The following TDRD15 variants were observed in gnomAD, a reference collection of about 807,000 sequenced individuals.
TDRD15 encodes the protein tudor domain-containing protein 15.
For missense variants in TDRD15, 1,416 were observed against 904.7 expected (o/e 1.57, Z -7.25); for synonymous variants, 503 against 314.5 (o/e 1.60, Z -6.34).
rs756560280 is a variant in TDRD15 at position 21,140,453 on chromosome 2, A to G, written c.2986A>G (p.Thr996Ala). 59 of 698,572 alleles carry G rather than the reference A, an allele frequency of 8.4e-5. No homozygotes were observed. The Middle Eastern group carries it at 9.5e-4, about 11-fold the overall frequency. The allele number at this position is 698,572 out of a possible 1,614,324, so 43.3% of individuals were successfully genotyped here. A position where few individuals can be genotyped will look rare whatever the true frequency, so the allele number is the denominator to read the frequency against. The change falls in exon 4 of 4, where the codon ACA (threonine) becomes GCA (alanine). Residue 996 changes from threonine (T) to alanine (A), a missense_variant. Coordinates refer to ENST00000405799, the MANE Select transcript of TDRD15 (RefSeq NM_001306137.2). ...RNNKDLEMIE[T>A]KITESVNLQN... ...TAATAAAGATCTAGAGATGATAGAAACAAAAATCACAGAGAGTGTTAACCT... is the reference window on the plus strand; with the variant it reads ...TAATAAAGATCTAGAGATGATAGAAGCAAAAATCACAGAGAGTGTTAACCT...
In TDRD15 at chr2:21,139,062, C is replaced by A; in HGVS notation, c.1595C>A (p.Pro532His). Residue 532 changes from proline (P) to histidine (H), a missense_variant, in exon 4 of 4, where the codon CCT (proline) becomes CAT (histidine). By Grantham distance (77) the Pro-to-His change is moderately conservative. Coordinates refer to ENST00000405799, the MANE Select transcript of TDRD15 (RefSeq NM_001306137.2). ...CENDEMILRK[P>H]EPGLFCCARY... ...AACGATGAAATGATTCTAAGAAAAC[C>A]TGAACCTGGATTATTTTGTTGTGCT... 1 of 715,148 alleles carries A rather than the reference C, an allele frequency of 1.4e-6. No individual in the cohort carries two copies. Among genetic ancestry groups the A allele is most frequent in the South Asian group, 1.5e-5 (1 of 67,264 alleles). 44.3% of individuals were successfully genotyped at this position (715,148 alleles called of 1,614,324 possible). A position where few individuals can be genotyped will look rare whatever the true frequency, so the allele number is the denominator to read the frequency against.
In TDRD15 at chr2:21,139,420, T is replaced by C. The variant is rs1307353460; in HGVS notation, c.1953T>C (p.Asp651=). Residue 651 remains aspartate, a synonymous_variant, in exon 4 of 4, where the codon GAT becomes GAC. Coordinates refer to ENST00000405799, the MANE Select transcript of TDRD15 (RefSeq NM_001306137.2). ...GTGTTGAAGCCTCAGAAAATATTGATGTTATCTCTCTTATGTTACAAGCTG... is the reference window on the plus strand; with the variant it reads ...GTGTTGAAGCCTCAGAAAATATTGACGTTATCTCTCTTATGTTACAAGCTG... ...IQSVEASENI[D]VISLMLQAGY... 3 of 712,530 alleles carry C rather than the reference T, an allele frequency of 4.2e-6. No homozygotes were observed. Among genetic ancestry groups the C allele is most frequent in the African/African-American group, 1.8e-5 (1 of 56,930 alleles). 44.1% of individuals were successfully genotyped at this position (712,530 alleles called of 1,614,324 possible).
rs1416769897 is a variant in TDRD15 at position 21,144,028 on chromosome 2, C to T, written c.*756C>T. The stretch of plus-strand genomic sequence containing the variant: ...AAATCTTGCTATTATTAGTGAGCTT[C>T]CTGCGCTTATTTTGAAGAATCATTT... On this transcript the variant is annotated 3_prime_UTR_variant, in exon 4 of 4. Coordinates refer to ENST00000405799, the MANE Select transcript of TDRD15 (RefSeq NM_001306137.2). Among the ~76,000 whole-genome samples the T allele has an allele frequency of 2.0e-5, 3 of 151,652 alleles. No individual in the cohort carries two copies. Among genetic ancestry groups the T allele is most frequent in the Admixed American group, 6.6e-5 (1 of 15,186 alleles).
rs746146244 is a variant in TDRD15, at chr2:21,141,065, C to T, written c.3598C>T (p.His1200Tyr). 2.3e-5 allele frequency: 16 copies of T among 705,880 alleles called. No homozygotes were observed. The South Asian group carries it at 2.5e-4, about 11-fold the overall frequency. The allele number at this position is 705,880 out of a possible 1,614,324, so 43.7% of individuals were successfully genotyped here. ...CGAAAGAAAAATAGACCAATTGATGCATCCCAAAAATATACATGCCAGGTT... is the reference window on the plus strand; with the variant it reads ...CGAAAGAAAAATAGACCAATTGATGTATCCCAAAAATATACATGCCAGGTT... ...YSERKIDQLM[H>Y]PKNIHARFLK... The change falls in exon 4 of 4, where the codon CAT becomes TAT. Residue 1200 changes from histidine (H) to tyrosine (Y), a missense_variant. Coordinates refer to ENST00000405799, the MANE Select transcript of TDRD15 (RefSeq NM_001306137.2).
At chr2:21,124,070 A>G (rs888731283) in intron 1 of TDRD15, 24 bp downstream of exon 1, 1 of 152,272 alleles carries the variant, frequency 6.6e-6, no homozygotes, top group Admixed American at 6.5e-5. Context: ...CCGTTTATGT[A>G]TGGTTAGCCT....
chr2:21,124,352 A>G (rs1665536430), intron 1 of TDRD15, among the ~76,000 whole-genome samples: 1 of 151,684 alleles, frequency 6.6e-6, no homozygotes, highest in African/African-American at 2.4e-5. Context: ...GCTGTGTGTG[A>G]GTGTGAGAGA....
At chr2:21,124,923 AGGTTGTGTGTGAGAGAG>A (rs1665554002) in intron 1 of TDRD15, among the ~76,000 whole-genome samples, 1 of 137,084 alleles carries the variant, frequency 7.3e-6, no homozygotes, top group Admixed American at 7.2e-5. Flanking sequence ...AGACCCTGTC[AGGTTGTGTGTGAGAGAG>A]ACCCTAATGC....
intron 3 of TDRD15, among the ~76,000 whole-genome samples, chr2:21,136,183 A>G (rs1665804084): frequency 6.6e-6 from 1 of 152,034 alleles, no homozygotes; most frequent in Non-Finnish European, 1.5e-5. Flanking sequence ...TAATGGGGCT[A>G]TAAACTGAGT....
In TDRD15 at chr2:21,140,148, C is replaced by T; in HGVS notation, c.2681C>T (p.Ser894Phe). The T allele has an allele frequency of 5.6e-6, 4 of 715,866 alleles. No homozygotes were observed. The highest frequency in any genetic ancestry group is 1.0e-5 in the Non-Finnish European group (4 of 384,008). 44.3% of individuals were successfully genotyped at this position (715,866 alleles called of 1,614,324 possible). The part of the protein sequence containing the change: ...FRDLWNFISS[S>F]RGLLTCIIYA... ...GACTTGTGGAATTTTATCTCTTCAT[C>T]TAGAGGGTTATTGACTTGTATCATC... The change falls in exon 4 of 4, where the codon TCT becomes TTT. Residue 894 changes from serine (S) to phenylalanine (F), a missense_variant. Physicochemically the swap from Ser to Phe is radical, Grantham distance 155. Transcript: ENST00000405799.
At chr2:21,133,765 T>C (rs1665760120) in intron 2 of TDRD15, among the ~76,000 whole-genome samples, 2 of 152,066 alleles carry the variant, frequency 1.3e-5, no homozygotes, top group Non-Finnish European at 2.9e-5. Flanking sequence ...TCTAGACCTG[T>C]ACATTGAAAT....
At chr2:21,132,704 C>T (rs1026085699) in intron 2 of TDRD15, among the ~76,000 whole-genome samples, 4 of 151,868 alleles carry the variant, frequency 2.6e-5, no homozygotes, top group Non-Finnish European at 5.9e-5. Flanking sequence ...ATTTTATGAC[C>T]TCTGGGTTTT....
downstream of TDRD15, among the ~76,000 whole-genome samples, chr2:21,146,337 G>A (rs780998774): frequency 3.6e-4 from 54 of 151,944 alleles, no homozygotes; most frequent in Non-Finnish European, 5.9e-4. Flanking sequence ...TGCAGAAGTT[G>A]CCACCCTTTA....
downstream of TDRD15, among the ~76,000 whole-genome samples, chr2:21,145,903 C>T (rs993218128): frequency 1.3e-5 from 2 of 151,924 alleles, no homozygotes; most frequent in Non-Finnish European, 2.9e-5. Context: ...GACTCTATTA[C>T]AGTGGTTCTC....
chr2:21,130,675 G>T (rs1665701303), intron 2 of TDRD15, among the ~76,000 whole-genome samples: 1 of 151,998 alleles, frequency 6.6e-6, no homozygotes, highest in Non-Finnish European at 1.5e-5. Context: ...TTGGCATCTT[G>T]TCAATGTTTA....
In TDRD15 at chr2:21,143,384, A is replaced by C; in HGVS notation, c.*112A>C. The C allele has an allele frequency of 2.1e-6, 1 of 486,214 alleles. No homozygotes were observed. The highest frequency in any genetic ancestry group is 3.6e-6 in the Non-Finnish European group (1 of 275,962). 30.1% of individuals were successfully genotyped at this position (486,214 alleles called of 1,614,324 possible). A position where few individuals can be genotyped will look rare whatever the true frequency, so the allele number is the denominator to read the frequency against. Reference sequence around the variant, plus strand: ...AGTGTAAACAAATCTACAAAGAGGAAAGATGTCTGTAAGAACCTCTTAAGG... The same window carrying C: ...AGTGTAAACAAATCTACAAAGAGGACAGATGTCTGTAAGAACCTCTTAAGG... On this transcript the variant is annotated 3_prime_UTR_variant, in exon 4 of 4. Transcript: ENST00000405799.
chr2:21,136,407 T>A (rs1665807280), intron 3 of TDRD15, among the ~76,000 whole-genome samples: 1 of 152,086 alleles, frequency 6.6e-6, no homozygotes, highest in Non-Finnish European at 1.5e-5. Flanking sequence ...TGTGTATAGT[T>A]CATCCTAATA....
rs1558300632 is a variant in TDRD15 at position 21,140,815 on chromosome 2, A to G, written c.3348A>G (p.Ser1116=). 1 of 715,390 alleles carries G rather than the reference A, an allele frequency of 1.4e-6. No individual in the cohort carries two copies. The highest frequency in any genetic ancestry group is 1.8e-5 in the African/African-American group (1 of 57,118). 44.3% of individuals were successfully genotyped at this position (715,390 alleles called of 1,614,324 possible). A position where few individuals can be genotyped will look rare whatever the true frequency, so the allele number is the denominator to read the frequency against. The change falls in exon 4 of 4, where the codon TCA becomes TCG. Residue 1116 remains serine, a synonymous_variant. Transcript: ENST00000405799. ...AGGCGATAATATTGTCCCAGGAGTC[A>G]GATGGACAGCTTGGTATAGAATTGT... ...SLKAIILSQE[S]DGQLGIELYD...
At chr2:21,127,490 CA>C (rs1215104978) in intron 1 of TDRD15, 110 bp from the exon 2 acceptor site, 1 of 152,122 alleles carries the variant, frequency 6.6e-6, no homozygotes, top group Non-Finnish European at 1.5e-5. Flanking sequence ...TGCATATGGT[CA>C]GTTTTTTTCC....
In TDRD15 at chr2:21,140,675, T is replaced by C. The variant is rs771074454; in HGVS notation, c.3208T>C (p.Leu1070=). The stretch of plus-strand genomic sequence containing the variant: ...GGCCATTTCAGCTCAGTTTCCAGAG[T>C]TGTTGTTTACACCTATGCAAGCTAT... ...LRAISAQFPE[L]LFTPMQAIKC... is the part of the protein sequence containing the mutation. Residue 1070 remains leucine, a synonymous_variant, in exon 4 of 4, where the codon TTG becomes CTG. Transcript: ENST00000405799. 2 of 714,868 alleles carry C rather than the reference T, an allele frequency of 2.8e-6. No individual in the cohort carries two copies. The highest frequency in any genetic ancestry group is 1.5e-5 in the South Asian group (1 of 67,430). The allele number at this position is 714,868 out of a possible 1,614,324, so 44.3% of individuals were successfully genotyped here.
Sources: allele counts gnomAD v4.1 joint callset (sites outside exome capture counted in the v4.1 genomes callset), GRCh38; gene constraint gnomAD v4.1.1; transcripts MANE v1.5; gene names NCBI Gene and HGNC (gene_info 2026-07-23, HGNC 2026-07-21).